The following MEGF9 variants were observed in gnomAD, a reference collection of about 807,000 sequenced individuals.
MEGF9 encodes multiple EGF like domains 9.
A neutral mutation model predicts 46.8 loss-of-function variants in MEGF9; 6 were observed. The ratio of observed to expected loss-of-function variants is 0.13; its 90% confidence interval spans 0.07 to 0.25. The LOEUF (loss-of-function observed/expected upper bound fraction) is 0.25, where lower values mean the gene tolerates loss of function less well. Ranked by LOEUF, MEGF9 falls within the 10% of genes least tolerant of loss-of-function variation. The pLI is 1.00. For synonymous variants in MEGF9, 302 were observed against 330.7 expected, an observed-to-expected ratio of 0.91 and a Z score of 0.94; for missense variants, 683 against 792.4, an observed-to-expected ratio of 0.86 and a Z score of 1.66.
intron 1 of MEGF9, among the ~76,000 whole-genome samples, chr9:120,694,359 A>T (rs2043865260): frequency 6.6e-6 from 1 of 152,252 alleles, no homozygotes; most frequent in Non-Finnish European, 1.5e-5. Flanking sequence ...CAGAATTGAG[A>T]GGATTAGAGG....
chr9:120,638,055 C>T (rs1260024015), intron 2 of MEGF9, among the ~76,000 whole-genome samples: 3 of 151,860 alleles, frequency 2.0e-5, no homozygotes, highest in Non-Finnish European at 4.4e-5. Flanking sequence ...TGCAGTGATG[C>T]GATCACAGCT....
intron 2 of MEGF9, among the ~76,000 whole-genome samples, chr9:120,632,739 T>C (rs186811048): frequency 9.0e-4 from 137 of 152,336 alleles, no homozygotes; most frequent in African/African-American, 3.2e-3. Flanking sequence ...GTTTGTCATA[T>C]TGGCCTTTAT....
chr9:120,605,430 AATG>A lies in MEGF9; in HGVS notation c.1566_1568del (p.Ile523del). ...CAAATCCCATTAGCAGCACCACAAC[AATG>A]ATGATGACTGTCAAAATGATGATGT... is the stretch of plus-strand genomic sequence containing the variant. On this transcript the variant is annotated inframe_deletion, in exon 6 of 6. Coordinates refer to ENST00000373930, the MANE Select transcript of MEGF9 (RefSeq NM_001080497.3). This position sits in a 1 kb window ranked among gnomAD's most constrained non-coding sequence, Gnocchi z 4.0. 2 of 1,614,028 alleles carry A rather than the reference AATG, an allele frequency of 1.2e-6. No homozygotes were observed. The highest frequency in any genetic ancestry group is 8.5e-7 in the Non-Finnish European group (1 of 1,179,886).
At chr9:120,652,341 G>T (rs2043656251) in intron 2 of MEGF9, among the ~76,000 whole-genome samples, 1 of 151,340 alleles carries the variant, frequency 6.6e-6, no homozygotes, top group Non-Finnish European at 1.5e-5. Flanking sequence ...GGCAGGCGTG[G>T]TGGTGCATGC....
intron 1 of MEGF9, among the ~76,000 whole-genome samples, chr9:120,707,911 T>G (rs925542988): frequency 1.3e-5 from 2 of 152,068 alleles, no homozygotes; most frequent in Admixed American, 1.3e-4. Context: ...TGGGTATGGT[T>G]GCGCATGCCT....
intron 2 of MEGF9, among the ~76,000 whole-genome samples, chr9:120,651,525 T>C (rs2043649407): frequency 6.6e-6 from 1 of 152,178 alleles, no homozygotes; most frequent in African/African-American, 2.4e-5. Flanking sequence ...GTGTCTACAT[T>C]ATATGGTTGC....
At chr9:120,617,034 T>C (rs1457691920) in intron 3 of MEGF9, among the ~76,000 whole-genome samples, 1 of 151,096 alleles carries the variant, frequency 6.6e-6, no homozygotes, top group Non-Finnish European at 1.5e-5. Context: ...AAGTTTAACA[T>C]TGTTCATTAT....
intron 2 of MEGF9, among the ~76,000 whole-genome samples, chr9:120,651,262 T>C (rs1169802296): frequency 6.6e-6 from 1 of 152,216 alleles, no homozygotes; most frequent in Non-Finnish European, 1.5e-5. Context: ...AAAAGACAAC[T>C]AGAAGAAATT....
chr9:120,691,319 G>A, intron 1 of MEGF9: 1 of 326,224 alleles, frequency 3.1e-6, no homozygotes, highest in Non-Finnish European at 6.3e-6. Flanking sequence ...GCAGGTGGGT[G>A]AGAGATATGA....
chr9:120,644,173 G>A (rs115277788), intron 2 of MEGF9, among the ~76,000 whole-genome samples: 3,612 of 152,092 alleles, frequency 0.024, 151 homozygotes, highest in African/African-American at 0.083. Flanking sequence ...GCATTTACTC[G>A]TCATGTCTCC....
chr9:120,616,355 A>G (rs796868269), intron 3 of MEGF9, among the ~76,000 whole-genome samples: 1 of 152,040 alleles, frequency 6.6e-6, no homozygotes, highest in Non-Finnish European at 1.5e-5. Context: ...AATAGCTTAC[A>G]ACTCCTCTGT....
At chr9:120,698,523 G>A (rs2043889058) in intron 1 of MEGF9, among the ~76,000 whole-genome samples, 1 of 152,148 alleles carries the variant, frequency 6.6e-6, no homozygotes, top group African/African-American at 2.4e-5. Context: ...TTAGAGAGTT[G>A]ATCTGTGACA....
At chr9:120,683,427 G>A (rs747415575) in intron 1 of MEGF9, among the ~76,000 whole-genome samples, 6 of 152,118 alleles carry the variant, frequency 3.9e-5, no homozygotes, top group Admixed American at 1.3e-4. Context: ...TGGATCACAG[G>A]GGCAGTTTCC....
intron 2 of MEGF9, among the ~76,000 whole-genome samples, chr9:120,625,833 C>CAAAAAAAAAAAAAAAAAAAAAAA (rs763605820): frequency 8.8e-6 from 1 of 113,186 alleles, no homozygotes; most frequent in Non-Finnish European, 1.7e-5. Context: ...CTCTGTCTCA[C>CAAAAAAAAAAAAAAAAAAAAAAA]AAAAAAAAAA....
At chr9:120,642,600 G>A (rs892622622) in intron 2 of MEGF9, among the ~76,000 whole-genome samples, 1 of 152,210 alleles carries the variant, frequency 6.6e-6, no homozygotes, top group Non-Finnish European at 1.5e-5. Context: ...CCTGGATTAT[G>A]CAGCTTCTTT....
intron 1 of MEGF9, among the ~76,000 whole-genome samples, chr9:120,700,437 A>G (rs1262995873): frequency 2.0e-5 from 3 of 152,244 alleles, no homozygotes; most frequent in African/African-American, 7.2e-5. Flanking sequence ...TAACTATTCA[A>G]TAACTCACAT....
In MEGF9 at chr9:120,637,058, T is replaced by C. The variant is rs113235739; in HGVS notation, c.804-14303A>G. Among the ~76,000 whole-genome samples the C allele has an allele frequency of 8.0e-3, 1,222 of 152,310 alleles. 19 individuals carry two copies. Among genetic ancestry groups the C allele is most frequent in the African/African-American group, 0.028 (1,162 of 41,578 alleles). On this transcript the variant is annotated intron_variant, in intron 2 of 5. Coordinates refer to ENST00000373930, the MANE Select transcript of MEGF9 (RefSeq NM_001080497.3). ...GTGTCTGTGTAGAAAGAAGTAGACA[T>C]AGGAGACTCCATTTCTGTACTAAGA...
chr9:120,651,419 A>T (rs1324643597), intron 2 of MEGF9, among the ~76,000 whole-genome samples: 5 of 152,222 alleles, frequency 3.3e-5, no homozygotes, highest in African/African-American at 1.2e-4. Flanking sequence ...AAATGTTTTA[A>T]TTCCAACTCT....
chr9:120,609,812 G>A (rs185652114), intron 4 of MEGF9, among the ~76,000 whole-genome samples: 9 of 152,114 alleles, frequency 5.9e-5, no homozygotes, highest in African/African-American at 1.9e-4. Flanking sequence ...TATTATAGCA[G>A]GAATACTTTA....
Sources: allele counts gnomAD v4.1 joint callset (sites outside exome capture counted in the v4.1 genomes callset), GRCh38; gene constraint gnomAD v4.1.1; non-coding constraint Gnocchi (gnomAD v3.1); transcripts MANE v1.5; gene names NCBI Gene and HGNC (gene_info 2026-07-23, HGNC 2026-07-21).